RNF138: variants seen among roughly 807,000 people sequenced by gnomAD.
RNF138 encodes the protein ring finger protein 138, also known as E3 ubiquitin-protein ligase RNF138.
In RNF138, 12 loss-of-function variants were observed where a neutral mutation model predicts 31.0. The ratio of observed to expected loss-of-function variants is 0.39; its 90% CI spans 0.25 to 0.63. The LOEUF (loss-of-function observed/expected upper bound fraction) is 0.63. Ranked by LOEUF, RNF138 falls within the 20% of genes least tolerant of loss-of-function variation. RNF138 has a pLI of 0.52. For missense variants in RNF138, 192 were observed against 300.1 expected (o/e 0.64, Z 2.66); for synonymous variants, 105 against 99.5 (o/e 1.06, Z -0.33).
intron 2 of RNF138, among the ~76,000 whole-genome samples, chr18:32,107,116 CT>C (rs58774714): frequency 4.7e-4 from 47 of 100,580 alleles, no homozygotes; most frequent in South Asian, 1.2e-3. Context: ...TCCTTTTTTC[CT>C]TTTTTTTTTT....
intron 6 of RNF138, 117 bp downstream of exon 6, chr18:32,124,962 G>A: frequency 1.7e-6 from 1 of 604,770 alleles, no homozygotes; most frequent in African/African-American, 1.8e-5. Context: ...GGCATTATCA[G>A]TAAGGTAGAT....
At chr18:32,127,021 A>G (rs1430780424) in intron 7 of RNF138, among the ~76,000 whole-genome samples, 1 of 152,166 alleles carries the variant, frequency 6.6e-6, no homozygotes, top group Non-Finnish European at 1.5e-5. Context: ...GAGAGAATTA[A>G]TAAGAGTAAC....
At chr18:32,128,661 TCA>T (rs1433214727) in intron 7 of RNF138, among the ~76,000 whole-genome samples, 2 of 152,240 alleles carry the variant, frequency 1.3e-5, no homozygotes, top group South Asian at 2.1e-4. Context: ...ATGATTAACT[TCA>T]GTTTTATTTT....
chr18:32,111,954 C>A, intron 3 of RNF138, 35 bp downstream of exon 3: 2 of 1,510,016 alleles, frequency 1.3e-6, no homozygotes, highest in Non-Finnish European at 1.8e-6. Flanking sequence ...TCTTTGGAAG[C>A]CAAGTTTCTA....
At chr18:32,128,694 T>C (rs2040423729) in intron 7 of RNF138, among the ~76,000 whole-genome samples, 1 of 152,234 alleles carries the variant, frequency 6.6e-6, no homozygotes, top group Admixed American at 6.5e-5. Context: ...TTTTTATTTT[T>C]TAAAGTGACA....
At position 32,092,803 on chromosome 18, in the gene RNF138, G is replaced by T; in HGVS notation, c.27G>T (p.Thr9=). The change falls in exon 2 of 8, where the codon ACG becomes ACT. Residue 9 remains threonine (T), a synonymous_variant. Coordinates refer to ENST00000261593, the MANE Select transcript of RNF138 (RefSeq NM_016271.5). Reference sequence around the variant, plus strand: ...TGGCCGAGGACCTCTCTGCGGCCACGTCCTACACCGAAGATGATTTCTACT... The same window carrying T: ...TGGCCGAGGACCTCTCTGCGGCCACTTCCTACACCGAAGATGATTTCTACT... MAEDLSAA[T]SYTEDDFYCP... is the part of the protein sequence containing the mutation. 1 of 1,595,138 alleles carries T rather than the reference G, an allele frequency of 6.3e-7. No individual in the cohort carries two copies.
At chr18:32,111,469 A>G (rs1385566514) in intron 2 of RNF138, among the ~76,000 whole-genome samples, 1 of 152,208 alleles carries the variant, frequency 6.6e-6, no homozygotes, top group Non-Finnish European at 1.5e-5. Context: ...TTCCTCTAGT[A>G]ATATTATTAA....
chr18:32,095,073 G>A lies in RNF138; in HGVS notation c.110+2187G>A, dbSNP rs147262300. On this transcript the variant is annotated intron_variant, in intron 2 of 7. Coordinates refer to ENST00000261593, the MANE Select transcript of RNF138 (RefSeq NM_016271.5). ...CAATGAATTAAAAGAATAGGCAGAG[G>A]GAGAAAAAAAGTTTAATTTGGAAGA... Among the ~76,000 whole-genome samples, 596 of 152,268 alleles carry A rather than the reference G, an allele frequency of 3.9e-3. 2 individuals are homozygous for A. The highest frequency in any genetic ancestry group is 0.014 in the African/African-American group (578 of 41,556).
intron 4 of RNF138, among the ~76,000 whole-genome samples, chr18:32,122,668 A>G (rs772000318): frequency 5.3e-4 from 80 of 152,256 alleles, no homozygotes; most frequent in Non-Finnish European, 1.0e-3. Context: ...TACTAAAAAT[A>G]CAAAAATTAG....
intron 2 of RNF138, among the ~76,000 whole-genome samples, chr18:32,094,370 G>A (rs976750382): frequency 3.9e-5 from 6 of 151,988 alleles, no homozygotes; most frequent in Admixed American, 3.9e-4. Context: ...TTTTGTGCTG[G>A]TTGTGTGAGC....
intron 2 of RNF138, among the ~76,000 whole-genome samples, chr18:32,106,999 TTC>T (rs1245453303): frequency 6.6e-6 from 1 of 152,086 alleles, no homozygotes; most frequent in Non-Finnish European, 1.5e-5. Context: ...CACTCTCACT[TTC>T]TCCTTTTGTT....
At chr18:32,126,289 T>C (rs567783852) in intron 6 of RNF138, among the ~76,000 whole-genome samples, 10 of 152,242 alleles carry the variant, frequency 6.6e-5, no homozygotes, top group Non-Finnish European at 1.5e-4. Flanking sequence ...TCCAGTTTAC[T>C]TCATTTTTAT....
intron 4 of RNF138, among the ~76,000 whole-genome samples, chr18:32,120,549 A>G (rs535728131): frequency 6.6e-6 from 1 of 152,176 alleles, no homozygotes; most frequent in African/African-American, 2.4e-5. Flanking sequence ...ATAAGTTTTT[A>G]AAAAAATAAT....
intron 2 of RNF138, among the ~76,000 whole-genome samples, chr18:32,106,214 C>G (rs998721906): frequency 1.3e-5 from 2 of 152,140 alleles, no homozygotes; most frequent in Admixed American, 1.3e-4. Context: ...AGTAGTCTGG[C>G]GACAAGGTTG....
At chr18:32,096,924 G>A (rs1466013500) in intron 2 of RNF138, among the ~76,000 whole-genome samples, 1 of 152,040 alleles carries the variant, frequency 6.6e-6, no homozygotes, top group African/African-American at 2.4e-5. Flanking sequence ...GTAGAGATGG[G>A]TCTTGCTTTG....
At position 32,092,046 on chromosome 18, in the gene RNF138, C is replaced by A. The variant is rs1244608057; in HGVS notation, c.-267C>A. On this transcript the variant is annotated 5_prime_UTR_variant, in exon 1 of 8. Coordinates refer to ENST00000261593, the MANE Select transcript of RNF138 (RefSeq NM_016271.5). ...CGGCGGCGGGCGAATCTCCCTGCAC[C>A]ATGAGCCTCGGCTCCGGCCCCGTTA... is the stretch of plus-strand genomic sequence containing the variant. 6.6e-6 allele frequency: 1 copy of A among 152,480 alleles called. No homozygotes were observed. The highest frequency in any genetic ancestry group is 2.1e-4 in the South Asian group (1 of 4,872). The allele number at this position is 152,480 out of a possible 1,614,324, so 9.4% of individuals were successfully genotyped here.
At chr18:32,118,778 G>A (rs1293751378) in intron 4 of RNF138, among the ~76,000 whole-genome samples, 2 of 151,946 alleles carry the variant, frequency 1.3e-5, no homozygotes, top group Admixed American at 6.6e-5. Context: ...GCAGTGAGTC[G>A]GGATCGTGCC....
At chr18:32,113,314 T>C (rs2040163990) in intron 3 of RNF138, among the ~76,000 whole-genome samples, 1 of 152,024 alleles carries the variant, frequency 6.6e-6, no homozygotes, top group Admixed American at 6.6e-5. Flanking sequence ...CATCCCAGCC[T>C]CCCAAAAGGC....
intron 4 of RNF138, among the ~76,000 whole-genome samples, chr18:32,120,002 CATT>C (rs1568238257): frequency 6.6e-6 from 1 of 152,036 alleles, no homozygotes; most frequent in South Asian, 2.1e-4. Flanking sequence ...TATAGAAAAT[CATT>C]ATGTTCTCCC....
Sources: gnomAD v4.1 joint callset for allele counts (sites outside exome capture counted in the v4.1 genomes callset) on GRCh38, gnomAD v4.1.1 for gene constraint, MANE v1.5 for transcripts, NCBI Gene and HGNC (gene_info 2026-07-23, HGNC 2026-07-21) for gene names.